ADPRHL1: variants seen among roughly 807,000 people sequenced by gnomAD.
ADPRHL1 encodes the protein ADP-ribosylhydrolase like 1.
A neutral mutation model predicts 44.1 loss-of-function variants in ADPRHL1; 43 were observed. That is an observed-to-expected ratio of 0.98 (90% CI 0.76 to 1.26). The LOEUF (loss-of-function observed/expected upper bound fraction) is 1.26. Ranked by LOEUF, ADPRHL1 falls within the 50% of genes most tolerant of loss-of-function variation. The pLI is 0.00. For synonymous variants in ADPRHL1, 878 were observed against 1,017.4 expected, an observed-to-expected ratio of 0.86 and a Z score of 2.61; for missense variants, 2,022 against 2,496.9, an observed-to-expected ratio of 0.81 and a Z score of 4.05.
At chr13:113,431,923 G>A (rs990413191) in intron 3 of ADPRHL1, among the ~76,000 whole-genome samples, 1 of 152,156 alleles carries the variant, frequency 6.6e-6, no homozygotes, top group Non-Finnish European at 1.5e-5. Context: ...CACCATGGGG[G>A]CCAGGCTGGT....
Position 113,424,329 on chromosome 13 carries a change from C to A in ADPRHL1, c.795G>T (p.Ser265=), listed in dbSNP as rs371140225. The A allele has an allele frequency of 6.2e-7, 1 of 1,612,670 alleles. No individual in the cohort carries two copies. The highest frequency in any genetic ancestry group is 1.3e-5 in the African/African-American group (1 of 74,930). Reference sequence around the variant, plus strand: ...GGCCTCGTCTTCCCCCTCGACCTTCCGAGCTCCACTTCCTGTAGGTCTGAC... The same window carrying A: ...GGCCTCGTCTTCCCCCTCGACCTTCAGAGCTCCACTTCCTGTAGGTCTGAC... ...EREKTYRKWS[S]EGRGGRRGHD... The change falls in exon 6 of 8, where the codon TCG becomes TCT. Residue 265 remains serine (S), a synonymous_variant. Coordinates refer to ENST00000612156, the MANE Select transcript of ADPRHL1 (RefSeq NM_001394807.1).
intron 6 of ADPRHL1, 26 bp downstream of exon 6, chr13:113,424,191 G>A: frequency 1.2e-6 from 2 of 1,611,894 alleles, no homozygotes; most frequent in Non-Finnish European, 1.7e-6. Flanking sequence ...CCTCCAGGAA[G>A]CCACGGCCAT....
At chr13:113,437,298 G>A (rs1220720069) in intron 2 of ADPRHL1, among the ~76,000 whole-genome samples, 7 of 115,740 alleles carry the variant, frequency 6.0e-5, no homozygotes, top group Non-Finnish European at 3.6e-5. Context: ...CCAGGCGCAG[G>A]GTGAACACAG....
intron 1 of ADPRHL1, among the ~76,000 whole-genome samples, chr13:113,449,601 G>A (rs1254321491): frequency 5.9e-5 from 9 of 152,268 alleles, no homozygotes; most frequent in East Asian, 3.9e-4. Flanking sequence ...AGGCTCACCC[G>A]GAAGGAGGGA....
chr13:113,439,446 T>A (rs146315528), intron 2 of ADPRHL1, among the ~76,000 whole-genome samples: 61,509 of 117,328 alleles, frequency 0.52, 14,087 homozygotes, highest in East Asian at 0.78. Context: ...TTCTTTGTAT[T>A]TTTTTTTTTT....
chr13:113,447,164 C>A (rs1460713075), intron 1 of ADPRHL1, among the ~76,000 whole-genome samples: 1 of 119,490 alleles, frequency 8.4e-6, no homozygotes, highest in Admixed American at 8.7e-5. Context: ...TCTACACTCA[C>A]GGTGTTGTGT....
chr13:113,444,660 C>T lies in ADPRHL1; in HGVS notation c.215-71G>A, dbSNP rs1027341502. ...AACTGTGGCCTCCCTCCCGCGGGGT[C>T]AGGCACCATAGTCTGGGGAAGAAAG... On this transcript the variant is annotated intron_variant, in intron 1 of 7. Coordinates refer to ENST00000612156, the MANE Select transcript of ADPRHL1 (RefSeq NM_001394807.1). The T allele has an allele frequency of 2.2e-5, 34 of 1,542,490 alleles. No individual in the cohort carries two copies. In the African/African-American group the frequency reaches 4.2e-4, roughly 19 times the overall value.
chr13:113,410,034 T>G (rs1339697707), intron 7 of ADPRHL1: 4 of 985,294 alleles, frequency 4.1e-6, no homozygotes, highest in Non-Finnish European at 4.8e-6. Context: ...GATTTCCTTG[T>G]TAAAAGCTGT....
Position 113,402,091 on chromosome 13 carries a change from T to A in ADPRHL1, c.*1287A>T, listed in dbSNP as rs959541145. ...ACACCTTCAAAAAGCAGGAATTAAC[T>A]TTCCACAGGGAGGGCACCACCAAAA... On this transcript the variant is annotated 3_prime_UTR_variant, in exon 8 of 8. Coordinates refer to ENST00000612156, the MANE Select transcript of ADPRHL1 (RefSeq NM_001394807.1). The A allele has an allele frequency of 6.6e-6, 1 of 152,280 alleles. No homozygotes were observed. The highest frequency in any genetic ancestry group is 2.4e-5 in the African/African-American group (1 of 41,468). 9.4% of individuals were successfully genotyped at this position (152,280 alleles called of 1,614,324 possible). A position where few individuals can be genotyped will look rare whatever the true frequency, so the allele number is the denominator to read the frequency against.
At chr13:113,434,479 C>A (rs540489288) in intron 2 of ADPRHL1, among the ~76,000 whole-genome samples, 1 of 141,770 alleles carries the variant, frequency 7.1e-6, no homozygotes, top group Admixed American at 7.0e-5. Context: ...AGCACCCACA[C>A]GTAGAGTGAA....
intron 4 of ADPRHL1, 94 bp downstream of exon 4, chr13:113,428,858 G>A: frequency 3.8e-6 from 6 of 1,561,526 alleles, no homozygotes; most frequent in Non-Finnish European, 5.2e-6. Context: ...CCATCTAAGA[G>A]CGAAAGTGCC....
At chr13:113,447,241 A>G (rs2044147599) in intron 1 of ADPRHL1, among the ~76,000 whole-genome samples, 1 of 116,750 alleles carries the variant, frequency 8.6e-6, no homozygotes, top group African/African-American at 3.4e-5. Context: ...TTGTGTGTGC[A>G]TGGCGTCTAC....
rs148621906 is a variant in ADPRHL1, at chr13:113,434,452, G to A, written c.380-585C>T. Among the ~76,000 whole-genome samples the A allele has an allele frequency of 2.9e-3, 430 of 149,172 alleles. 1 individual carries two copies. Among genetic ancestry groups the A allele is most frequent in the African/African-American group, 0.01 (404 of 39,096 alleles). Reference sequence around the variant, plus strand: ...AGCACCCAGGCGTAGAGTGAACATAGGTGTACCCTGTGACCCAGCACCCAC... The same window carrying A: ...AGCACCCAGGCGTAGAGTGAACATAAGTGTACCCTGTGACCCAGCACCCAC... On this transcript the variant is annotated intron_variant, in intron 2 of 7. Coordinates refer to ENST00000612156, the MANE Select transcript of ADPRHL1 (RefSeq NM_001394807.1).
chr13:113,434,561 G>C (rs1189720065), intron 2 of ADPRHL1, among the ~76,000 whole-genome samples: 7 of 140,208 alleles, frequency 5.0e-5, no homozygotes, highest in Admixed American at 1.4e-4. Flanking sequence ...CCGGCACCCA[G>C]GTGTAGAGTG....
At position 113,406,490 on chromosome 13, in the gene ADPRHL1, C is replaced by T. The variant is rs2043809594; in HGVS notation, c.2792G>A (p.Gly931Glu). 8.1e-7 allele frequency: 1 copy of T among 1,231,872 alleles called. No homozygotes were observed. Among genetic ancestry groups the T allele is most frequent in the Admixed American group, 4.2e-5 (1 of 23,712 alleles). 76.3% of individuals were successfully genotyped at this position (1,231,872 alleles called of 1,614,324 possible). ...GACACTGTGGTCGGCGCCCACAGCC[C>T]CTCTTGCTGCTGCCAGACGCGGAGC... is the stretch of plus-strand genomic sequence containing the variant. ...RAAPRLAAAR[G>E]AVGADHSVPE... Residue 931 changes from glycine to glutamate, a missense_variant, in exon 8 of 8, where the codon GGG becomes GAG. Gly to Glu is a moderately conservative substitution (Grantham distance 98). Transcript: ENST00000612156.
chr13:113,452,555 C>T (rs2044185848), intron 1 of ADPRHL1, among the ~76,000 whole-genome samples: 1 of 152,190 alleles, frequency 6.6e-6, no homozygotes, highest in African/African-American at 2.4e-5. Context: ...TGCCATTTCC[C>T]TGAAATTCAT....
At chr13:113,432,546 C>T (rs369143292) in intron 3 of ADPRHL1, among the ~76,000 whole-genome samples, 1 of 152,242 alleles carries the variant, frequency 6.6e-6, no homozygotes, top group Admixed American at 6.5e-5. Context: ...AGTTGGGTCA[C>T]GTGCCTTCCC....
intron 7 of ADPRHL1, among the ~76,000 whole-genome samples, chr13:113,421,059 C>T (rs1320772177): frequency 7.6e-6 from 1 of 131,816 alleles, no homozygotes; most frequent in Non-Finnish European, 1.6e-5. Context: ...CCTGGGACAT[C>T]CCTACCCCCA....
In ADPRHL1 at chr13:113,406,508, C is replaced by T. The variant is rs540908969; in HGVS notation, c.2774G>A (p.Arg925His). ...CACAGCCCCTCTTGCTGCTGCCAGA[C>T]GCGGAGCTGCCCGTGGCCCCTGCGG... The part of the protein sequence containing the change: ...SSPQGPRAAP[R>H]LAAARGAVGA... The change falls in exon 8 of 8, where the codon CGT (arginine) becomes CAT (histidine). Residue 925 changes from arginine to histidine, a missense_variant. This residue lies in a region of ADPRHL1 where 1,221 missense variants were observed against 1,517.8 expected (regional missense o/e 0.80). Transcript: ENST00000612156. 173 of 1,232,054 alleles carry T rather than the reference C, an allele frequency of 1.4e-4. 4 individuals are homozygous for T. In the South Asian group the frequency reaches 4.1e-3, roughly 29 times the overall value. 76.3% of individuals were successfully genotyped at this position (1,232,054 alleles called of 1,614,324 possible).
Sources: allele counts gnomAD v4.1 joint callset (sites outside exome capture counted in the v4.1 genomes callset), GRCh38; gene constraint gnomAD v4.1.1; regional missense constraint gnomAD v4.1.1; transcripts MANE v1.5; gene names NCBI Gene and HGNC (gene_info 2026-07-23, HGNC 2026-07-21).